Variants in MIGA1 observed in about 807,000 individuals in gnomAD.
The protein encoded by MIGA1 is mitoguardin 1.
MIGA1 carries 58 observed loss-of-function variants against 82.0 expected under a neutral mutation model. The observed-to-expected ratio is 0.71, with a 90% CI of 0.57 to 0.88. The LOEUF is 0.88. MIGA1 is among the 40% of genes least tolerant of loss of function. The pLI is 0.00. For missense variants in MIGA1, 751 were observed against 749.1 expected (o/e 1.00, Z -0.03); for synonymous variants, 249 against 253.6 (o/e 0.98, Z 0.17).
chr1:77,827,960 A>T (rs1052374577), intron 7 of MIGA1, among the ~76,000 whole-genome samples: 28 of 152,200 alleles, frequency 1.8e-4, no homozygotes, highest in African/African-American at 6.7e-4. Flanking sequence ...TGGGAGGCTG[A>T]GGTAGGAGTA....
At chr1:77,866,491 G>A in intron 14 of MIGA1, 100 bp downstream of exon 14, 1 of 1,056,926 alleles carries the variant, frequency 9.5e-7, no homozygotes, top group South Asian at 1.3e-5. Flanking sequence ...GCAGCTGTAG[G>A]AGGGGTAGGA....
chr1:77,788,943 A>G (rs1682292523), intron 2 of MIGA1, among the ~76,000 whole-genome samples: 1 of 152,138 alleles, frequency 6.6e-6, no homozygotes, highest in African/African-American at 2.4e-5. Context: ...ATTTCTGCCA[A>G]AAAATCATTG....
chr1:77,863,461 C>T (rs569723152), intron 12 of MIGA1, among the ~76,000 whole-genome samples: 181 of 152,292 alleles, frequency 1.2e-3, no homozygotes, highest in Non-Finnish European at 2.2e-3. Context: ...CCACTATACT[C>T]TAGGCGTCTA....
intron 8 of MIGA1, among the ~76,000 whole-genome samples, chr1:77,844,149 T>TAG (rs1684748509): frequency 7.3e-6 from 1 of 137,814 alleles, no homozygotes; most frequent in African/African-American, 2.7e-5. Context: ...GATAGATAGA[T>TAG]AGATAGATAG....
Position 77,822,058 on chromosome 1 carries a change from C to A in MIGA1, c.895+6827C>A, listed in dbSNP as rs1302022246. Among the ~76,000 whole-genome samples, 5 of 152,122 alleles carry A rather than the reference C, an allele frequency of 3.3e-5. No individual in the cohort carries two copies. In the East Asian group the frequency reaches 7.7e-4, roughly 23 times the overall value. ...TACACACCACACACACACATACACA[C>A]ACAATCACTCTATAGAGGTGGTAGA... On this transcript the variant is annotated intron_variant, in intron 7 of 15. Transcript: ENST00000370791.
chr1:77,818,038 C>T (rs1247205020), intron 7 of MIGA1, among the ~76,000 whole-genome samples: 1 of 149,260 alleles, frequency 6.7e-6, no homozygotes, highest in African/African-American at 2.5e-5. Context: ...TTACTACAGC[C>T]TCTGCCTCCT....
chr1:77,834,099 A>G (rs962985964), intron 7 of MIGA1, among the ~76,000 whole-genome samples: 9 of 152,212 alleles, frequency 5.9e-5, no homozygotes, highest in Non-Finnish European at 1.2e-4. Flanking sequence ...TTTATACGTC[A>G]TCACAAATCA....
chr1:77,833,520 T>C (rs1684318412), intron 7 of MIGA1, among the ~76,000 whole-genome samples: 1 of 152,182 alleles, frequency 6.6e-6, no homozygotes, highest in Non-Finnish European at 1.5e-5. Context: ...CTTAACAGCT[T>C]GGATTTCTAT....
intron 2 of MIGA1, among the ~76,000 whole-genome samples, chr1:77,796,535 G>T (rs1682664881): frequency 6.6e-6 from 1 of 151,826 alleles, no homozygotes; most frequent in Admixed American, 6.6e-5. Flanking sequence ...TTATTCTCCT[G>T]CCTCAGTTTT....
chr1:77,813,771 A>G lies in MIGA1; in HGVS notation c.675A>G (p.Glu225=), dbSNP rs770696493. Residue 225 remains glutamate, a synonymous_variant, in exon 6 of 16, where the codon GAA becomes GAG. Coordinates refer to ENST00000370791, the MANE Select transcript of MIGA1 (RefSeq NM_198549.4). ...TTGAAGAGGCATTGCGTCGATGGGAACAAGCTCTGACCTTTCGCAATAGAC... is the reference window on the plus strand; with the variant it reads ...TTGAAGAGGCATTGCGTCGATGGGAGCAAGCTCTGACCTTTCGCAATAGAC... The G allele has an allele frequency of 5.0e-6, 8 of 1,614,212 alleles. No homozygotes were observed. In the South Asian group the frequency reaches 6.6e-5, roughly 13 times the overall value.
At chr1:77,792,870 C>T (rs1682485757) in intron 2 of MIGA1, among the ~76,000 whole-genome samples, 1 of 149,292 alleles carries the variant, frequency 6.7e-6, no homozygotes, top group Non-Finnish European at 1.5e-5. Flanking sequence ...CTCACTGCAA[C>T]CTCTGCCTCC....
At chr1:77,861,044 G>T in intron 11 of MIGA1, 180 bp from the exon 12 acceptor site, 2 of 494,090 alleles carry the variant, frequency 4.0e-6, no homozygotes, top group Non-Finnish European at 3.6e-6. Context: ...CTTTATCTTG[G>T]CTTCTGCAAA....
intron 15 of MIGA1, 145 bp from the exon 16 acceptor site, chr1:77,874,701 A>G (rs566967446): frequency 4.3e-4 from 270 of 628,016 alleles, no homozygotes; most frequent in Admixed American, 8.5e-4. Flanking sequence ...TCACTTGTGC[A>G]AGGTCCCTTT....
chr1:77,801,542 G>A (rs1682885761), intron 3 of MIGA1, 34 bp downstream of exon 3: 1 of 1,537,776 alleles, frequency 6.5e-7, no homozygotes, highest in Admixed American at 2.3e-5. Context: ...GTGTACAAAA[G>A]TGTGTAAATC....
At chr1:77,812,620 A>G (rs998857185) in intron 5 of MIGA1, among the ~76,000 whole-genome samples, 6 of 152,210 alleles carry the variant, frequency 3.9e-5, no homozygotes, top group African/African-American at 1.2e-4. Flanking sequence ...GCTTTTAAAG[A>G]TCTTTTTCTT....
intron 13 of MIGA1, among the ~76,000 whole-genome samples, chr1:77,865,541 C>G (rs1166708): frequency 6.6e-5 from 10 of 151,696 alleles, no homozygotes; most frequent in Non-Finnish European, 5.9e-5. Context: ...TGCAGTGAAC[C>G]GAGATCACTC....
intron 12 of MIGA1, chr1:77,861,585 C>T: frequency 2.6e-6 from 1 of 380,194 alleles, no homozygotes; most frequent in Non-Finnish European, 4.8e-6. Flanking sequence ...CCCTCTCTTC[C>T]TTCTCTCCAA....
At chr1:77,795,796 A>AT (rs1215171836) in intron 2 of MIGA1, among the ~76,000 whole-genome samples, 4 of 148,538 alleles carry the variant, frequency 2.7e-5, no homozygotes, top group Admixed American at 1.3e-4. Context: ...TGCCTGGCTA[A>AT]TTTTTTTTTG....
At chr1:77,855,020 AGTTTCGG>A (rs1265959282) in intron 8 of MIGA1, among the ~76,000 whole-genome samples, 1 of 152,096 alleles carries the variant, frequency 6.6e-6, no homozygotes, top group Non-Finnish European at 1.5e-5. Context: ...GAGTTTTTGT[AGTTTCGG>A]GTCTTAGGTT....
Sources: gnomAD v4.1 joint callset for allele counts (sites outside exome capture counted in the v4.1 genomes callset) on GRCh38, gnomAD v4.1.1 for gene constraint, MANE v1.5 for transcripts, NCBI Gene and HGNC (gene_info 2026-07-23, HGNC 2026-07-21) for gene names.